CFHR4: variants seen among roughly 807,000 people sequenced by gnomAD.
CFHR4 encodes complement factor H related 4, also known as complement factor H-related protein 4.
In CFHR4, 64 loss-of-function variants were observed where a neutral mutation model predicts 69.3. The ratio of observed to expected loss-of-function variants is 0.92; its 90% CI spans 0.76 to 1.14. The LOEUF (loss-of-function observed/expected upper bound fraction) is 1.14, where lower values mean the gene tolerates loss of function less well. Ranked by LOEUF, CFHR4 falls within the 50% of genes most tolerant of loss-of-function variation. The pLI is 0.00. For synonymous variants in CFHR4, 244 were observed against 237.0 expected (o/e 1.03, Z -0.27); for missense variants, 636 against 684.9 (o/e 0.93, Z 0.80).
chr1:196,915,815 A>G lies in CFHR4; in HGVS notation c.1540+677A>G, dbSNP rs190315286. Among the ~76,000 whole-genome samples, 254 of 151,550 alleles carry G rather than the reference A, an allele frequency of 1.7e-3. 4 individuals carry two copies. Among genetic ancestry groups the G allele is most frequent in the African/African-American group, 5.7e-3 (236 of 41,142 alleles). ...ATGAAATATGGCATCTCAGCTTAAC[A>G]CCAGTAATCATTTTCACATTATTAA... is the stretch of plus-strand genomic sequence containing the variant. On this transcript the variant is annotated intron_variant, in intron 9 of 9. Transcript: ENST00000608469.
chr1:196,918,600 G>T lies in CFHR4; in HGVS notation c.*194G>T. ...ACAAACTAAATTATTGCTTATGCTT[G>T]TACTAAAATAATAAAAACTACCCTT... On this transcript the variant is annotated 3_prime_UTR_variant, in exon 10 of 10. Transcript: ENST00000608469. 2 of 553,334 alleles carry T rather than the reference G, an allele frequency of 3.6e-6. No individual in the cohort carries two copies. Among genetic ancestry groups the T allele is most frequent in the Non-Finnish European group, 6.2e-6 (2 of 321,144 alleles). 34.3% of individuals were successfully genotyped at this position (553,334 alleles called of 1,614,324 possible).
intron 7 of CFHR4, among the ~76,000 whole-genome samples, chr1:196,914,098 T>A (rs1658436694): frequency 6.6e-6 from 1 of 151,452 alleles, no homozygotes; most frequent in South Asian, 2.1e-4. Flanking sequence ...ACACCCTTAC[T>A]GTTAGTAAAT....
Position 196,907,337 on chromosome 1 carries a change from C to A in CFHR4, c.638C>A (p.Pro213His). 1 of 1,610,986 alleles carries A rather than the reference C, an allele frequency of 6.2e-7. No homozygotes were observed. Among genetic ancestry groups the A allele is most frequent in the South Asian group, 1.1e-5 (1 of 90,976 alleles). Residue 213 changes from proline to histidine, a missense_variant, in exon 5 of 10, where the codon CCT (proline) becomes CAT (histidine). Physicochemically the swap from Pro to His is moderately conservative, Grantham distance 77. Transcript: ENST00000608469. ...TCAGATTCTTCAGAAAACTGTGGGC[C>A]TCCTCCACCTATTAGCAATGGAGAT... ...TCYNSSENCG[P>H]PPPISNGDTT...
chr1:196,889,945 A>G (rs535403259), intron 1 of CFHR4, among the ~76,000 whole-genome samples: 5 of 151,506 alleles, frequency 3.3e-5, no homozygotes, highest in Non-Finnish European at 7.4e-5. Flanking sequence ...AGGCCTCAGA[A>G]GAATGCAGCC....
At chr1:196,913,636 T>C (rs1257789618) in intron 7 of CFHR4, among the ~76,000 whole-genome samples, 5 of 151,516 alleles carry the variant, frequency 3.3e-5, no homozygotes, top group Non-Finnish European at 7.4e-5. Flanking sequence ...TTCCTCTTTA[T>C]ATATTCACAA....
At chr1:196,903,866 A>G (rs1571430119) in intron 2 of CFHR4, among the ~76,000 whole-genome samples, 1 of 151,600 alleles carries the variant, frequency 6.6e-6, no homozygotes, top group East Asian at 1.9e-4. Context: ...TCACAATTAT[A>G]TGACATCTAT....
intron 6 of CFHR4, among the ~76,000 whole-genome samples, chr1:196,911,029 C>T: frequency 6.6e-6 from 1 of 151,254 alleles, no homozygotes; most frequent in East Asian, 1.9e-4. Context: ...AATGTGCAGA[C>T]CACAGTTCCA....
chr1:196,917,835 G>A (rs1658739992), intron 9 of CFHR4, among the ~76,000 whole-genome samples: 1 of 151,598 alleles, frequency 6.6e-6, no homozygotes, highest in Non-Finnish European at 1.5e-5. Context: ...TGTAGTCACG[G>A]CTTGTCAAAT....
chr1:196,896,009 T>A (rs963442343), intron 1 of CFHR4, among the ~76,000 whole-genome samples: 1 of 151,234 alleles, frequency 6.6e-6, no homozygotes, highest in Non-Finnish European at 1.5e-5. Context: ...TTGTCTCCAG[T>A]GTTTTCCAAG....
intron 5 of CFHR4, among the ~76,000 whole-genome samples, chr1:196,909,317 G>C (rs1431313172): frequency 6.6e-6 from 1 of 151,414 alleles, no homozygotes; most frequent in Non-Finnish European, 1.5e-5. Flanking sequence ...CATTCAAGCA[G>C]GGAATTCTAG....
chr1:196,900,423 G>A (rs563122450), intron 1 of CFHR4, among the ~76,000 whole-genome samples: 3 of 149,642 alleles, frequency 2.0e-5, no homozygotes, highest in Admixed American at 6.7e-5. Context: ...TCAAGCTTGT[G>A]GTATTAATGA....
chr1:196,895,359 A>G (rs190563730), intron 1 of CFHR4, among the ~76,000 whole-genome samples: 1 of 151,688 alleles, frequency 6.6e-6, no homozygotes, highest in Admixed American at 6.6e-5. Context: ...TTATTTCTTC[A>G]AACATTCTCT....
At chr1:196,888,908 T>A (rs79354499) in intron 1 of CFHR4, among the ~76,000 whole-genome samples, 1 of 151,392 alleles carries the variant, frequency 6.6e-6, no homozygotes, top group Admixed American at 6.6e-5. Context: ...TGTTCTCTGA[T>A]ATGTTTTCTC....
chr1:196,905,811 T>C (rs1657878851), intron 3 of CFHR4, among the ~76,000 whole-genome samples: 2 of 151,412 alleles, frequency 1.3e-5, no homozygotes, highest in African/African-American at 4.9e-5. Context: ...TATTGTCTAG[T>C]ACAGAGAAAA....
rs138240269 is a variant in CFHR4, at chr1:196,896,951, G to T, written c.59-5467G>T. 7.0e-4 allele frequency among the ~76,000 whole-genome samples: 106 copies of T among 151,460 alleles called. 10 individuals are homozygous for T. The highest frequency in any genetic ancestry group is 2.4e-3 in the African/African-American group (99 of 41,106). On this transcript the variant is annotated intron_variant, in intron 1 of 9. Transcript: ENST00000608469. ...TAGGGTACATGTGCACAACGTGCAGGTTTGTTACATATGTATAAATACGCT... is the reference window on the plus strand; with the variant it reads ...TAGGGTACATGTGCACAACGTGCAGTTTTGTTACATATGTATAAATACGCT...
chr1:196,910,540 C>A, intron 6 of CFHR4, 62 bp downstream of exon 6: 2 of 1,352,170 alleles, frequency 1.5e-6, no homozygotes, highest in Non-Finnish European at 2.1e-6. Context: ...GAGAGAAGAG[C>A]AAACAAATGA....
chr1:196,914,391 A>G (rs564453763), intron 7 of CFHR4, 104 bp from the exon 8 acceptor site: 2 of 1,206,658 alleles, frequency 1.7e-6, no homozygotes, highest in South Asian at 3.5e-5. Flanking sequence ...TCAATTTATT[A>G]GCACACACTG....
intron 1 of CFHR4, 49 bp from the exon 2 acceptor site, chr1:196,902,367 ATC>A (rs771029005): frequency 3.2e-5 from 39 of 1,213,434 alleles, no homozygotes; most frequent in Non-Finnish European, 4.6e-5. Context: ...ATATATGATT[ATC>A]TGTTATAGAA....
At chr1:196,889,215 C>T (rs1656889771) in intron 1 of CFHR4, among the ~76,000 whole-genome samples, 1 of 151,448 alleles carries the variant, frequency 6.6e-6, no homozygotes, top group Non-Finnish European at 1.5e-5. Flanking sequence ...TCTAAGTAAA[C>T]AGCTTTAGGT....
Sources: allele counts gnomAD v4.1 joint callset (sites outside exome capture counted in the v4.1 genomes callset), GRCh38; gene constraint gnomAD v4.1.1; transcripts MANE v1.5; gene names NCBI Gene and HGNC (gene_info 2026-07-23, HGNC 2026-07-21).